The following PCYT2 variants were observed in gnomAD, a reference collection of about 807,000 sequenced individuals.
The protein encoded by PCYT2 is phosphate cytidylyltransferase 2, ethanolamine.
Under a neutral mutation model 50.0 loss-of-function variants are expected in PCYT2, and 33 were observed. That is an observed-to-expected ratio of 0.66 (90% CI 0.50 to 0.88). The LOEUF (loss-of-function observed/expected upper bound fraction) is 0.88, where lower values mean the gene tolerates loss of function less well. PCYT2 is among the 40% of genes least tolerant of loss of function. The pLI is 0.00. For missense variants in PCYT2, 430 were observed against 519.7 expected, an observed-to-expected ratio of 0.83 and a Z score of 1.68; for synonymous variants, 240 against 203.7, an observed-to-expected ratio of 1.18 and a Z score of -1.52.
intron 6 of PCYT2, 195 bp downstream of exon 6, chr17:81,907,359 G>T: frequency 8.1e-7 from 1 of 1,239,252 alleles, no homozygotes. Flanking sequence ...GCCAGCCGGT[G>T]CCACCACCCG....
chr17:81,909,168 C>T (rs2040443628), intron 2 of PCYT2, 131 bp from the exon 3 acceptor site: 1 of 1,479,650 alleles, frequency 6.8e-7, no homozygotes, highest in Non-Finnish European at 8.9e-7. Context: ...CTACCCTGGC[C>T]CTTAGCCCAC....
chr17:81,904,974 G>A, intron 12 of PCYT2, 30 bp from the exon 13 acceptor site: 2 of 1,596,448 alleles, frequency 1.3e-6, no homozygotes. Context: ...CTAGCAGAGA[G>A]CGCCCATGAG....
intron 5 of PCYT2, 56 bp downstream of exon 5, chr17:81,907,717 T>C: frequency 6.3e-7 from 1 of 1,595,330 alleles, no homozygotes; most frequent in Non-Finnish European, 8.6e-7. Flanking sequence ...GAGGTGCCCC[T>C]CCTTTCCCCT....
At chr17:81,910,160 A>G (rs551826116) in intron 1 of PCYT2, among the ~76,000 whole-genome samples, 106 of 152,322 alleles carry the variant, frequency 7.0e-4, no homozygotes, top group African/African-American at 2.4e-3. Context: ...GTGAACAGCC[A>G]CTGCCTTGCC....
chr17:81,908,552 C>G lies in PCYT2; in HGVS notation c.407+16G>C, dbSNP rs144473166. 73 of 1,605,568 alleles carry G rather than the reference C, an allele frequency of 4.5e-5. No individual in the cohort carries two copies. In the African/African-American group the frequency reaches 8.5e-4, roughly 19 times the overall value. ...GTCCAGCTCCCTGGATGGCCAGGCC[C>G]GCGGTGGAGACTCACCTGTACCTCC... On this transcript the variant is annotated intron_variant, in intron 4 of 12. Transcript: ENST00000538936.
chr17:81,905,304 G>A, intron 11 of PCYT2, 78 bp downstream of exon 11: 2 of 1,399,444 alleles, frequency 1.4e-6, no homozygotes, highest in Non-Finnish European at 9.9e-7. Flanking sequence ...CGTTTCCCAG[G>A]CAGGCACAGT....
rs889826491 is a variant in PCYT2, at chr17:81,902,402, G to A, written c.*2431C>T. 3 of 1,345,742 alleles carry A rather than the reference G, an allele frequency of 2.2e-6. No individual in the cohort carries two copies. The highest frequency in any genetic ancestry group is 1.9e-5 in the South Asian group (1 of 53,110). 83.4% of individuals were successfully genotyped at this position (1,345,742 alleles called of 1,614,324 possible). A position where few individuals can be genotyped will look rare whatever the true frequency, so the allele number is the denominator to read the frequency against. ...TCCTACTCGGTGGGCCGCGCCGCGG[G>A]GCTGCTGTCCGGCCTCCGCAGGTCC... On this transcript the variant is annotated 3_prime_UTR_variant, in exon 13 of 13. Coordinates refer to ENST00000538936, the MANE Select transcript of PCYT2 (RefSeq NM_002861.5).
chr17:81,908,537 C>G (rs770275895), intron 4 of PCYT2, 31 bp downstream of exon 4: 1 of 1,582,622 alleles, frequency 6.3e-7, no homozygotes, highest in Admixed American at 1.7e-5. Flanking sequence ...GTCCAGCTCC[C>G]TGGATGGCCA....
At chr17:81,910,707 A>G (rs1177529108) in intron 1 of PCYT2, among the ~76,000 whole-genome samples, 2 of 152,254 alleles carry the variant, frequency 1.3e-5, no homozygotes, top group African/African-American at 2.4e-5. Flanking sequence ...CAGGCACGTG[A>G]AAGGGTCAGA....
rs1195391579 is a variant in PCYT2, at chr17:81,902,491, C to G, written c.*2342G>C. The G allele has an allele frequency of 1.4e-6, 2 of 1,411,362 alleles. No homozygotes were observed. Among genetic ancestry groups the G allele is most frequent in the Non-Finnish European group, 1.8e-6 (2 of 1,090,940 alleles). 87.4% of individuals were successfully genotyped at this position (1,411,362 alleles called of 1,614,324 possible). A position where few individuals can be genotyped will look rare whatever the true frequency, so the allele number is the denominator to read the frequency against. On this transcript the variant is annotated 3_prime_UTR_variant, in exon 13 of 13. Transcript: ENST00000538936. ...ACCCCCGGGCGGGGCCGGCGCCTCC[C>G]CGGAGCTGCAACTGCACCCCAGGCT... is the stretch of plus-strand genomic sequence containing the variant.
intron 7 of PCYT2, 36 bp from the exon 8 acceptor site, chr17:81,906,582 G>T (rs2040282873): frequency 3.1e-6 from 5 of 1,601,276 alleles, no homozygotes; most frequent in East Asian, 4.5e-5. Flanking sequence ...GGATGGGGAT[G>T]ACAGGGAGCA....
rs746629027 is a variant in PCYT2 at position 81,905,423 on chromosome 17, T to A, written c.928A>T (p.Thr310Ser). ...CCATCCCTGTCAGGGATAATTTCTG[T>A]CTTGCCGTGACACACCAGGTCCACC... is the stretch of plus-strand genomic sequence containing the variant. Reference protein sequence around the residue: ...FKVDLVCHGKTEIIPDRDGSD... With the variant: ...FKVDLVCHGKSEIIPDRDGSD... The change falls in exon 11 of 13, where the codon ACA (threonine) becomes TCA (serine). Residue 310 changes from threonine to serine, a missense_variant. By Grantham distance (58) the Thr-to-Ser change is moderately conservative (BLOSUM62 1). Transcript: ENST00000538936. 1 of 1,567,268 alleles carries A rather than the reference T, an allele frequency of 6.4e-7. No homozygotes were observed. Among genetic ancestry groups the A allele is most frequent in the South Asian group, 1.2e-5 (1 of 85,666 alleles).
chr17:81,902,354 A>G lies in PCYT2; in HGVS notation c.*2479T>C. On this transcript the variant is annotated 3_prime_UTR_variant, in exon 13 of 13. Transcript: ENST00000538936. Reference sequence around the variant, plus strand: ...CTGGCGCCGCCTGGCCTCGCGTGGTACAAGCCAGCGGCGGGGCACAGCTCC... The same window carrying G: ...CTGGCGCCGCCTGGCCTCGCGTGGTGCAAGCCAGCGGCGGGGCACAGCTCC... 1 of 1,348,690 alleles carries G rather than the reference A, an allele frequency of 7.4e-7. No homozygotes were observed. The highest frequency in any genetic ancestry group is 1.9e-5 in the South Asian group (1 of 51,362). The allele number at this position is 1,348,690 out of a possible 1,614,324, so 83.5% of individuals were successfully genotyped here. A position where few individuals can be genotyped will look rare whatever the true frequency, so the allele number is the denominator to read the frequency against.
At chr17:81,910,256 C>T (rs537713587) in intron 1 of PCYT2, among the ~76,000 whole-genome samples, 2 of 152,366 alleles carry the variant, frequency 1.3e-5, no homozygotes, top group South Asian at 2.1e-4. Context: ...CTGCCACCAA[C>T]TGGGCCTCGC....
Position 81,905,759 on chromosome 17 carries a change from A to G in PCYT2, c.838-24T>C, listed in dbSNP as rs766520141. The G allele has an allele frequency of 6.8e-6, 11 of 1,611,840 alleles. No homozygotes were observed. The African/African-American group carries it at 1.1e-4, about 16-fold the overall frequency. On this transcript the variant is annotated intron_variant, in intron 9 of 12. Coordinates refer to ENST00000538936, the MANE Select transcript of PCYT2 (RefSeq NM_002861.5). Reference sequence around the variant, plus strand: ...TACTGTGGGGACAGTGGGGGCAGAAAGACTTGCTCGGTCCCTGCTACTGGT... The same window carrying G: ...TACTGTGGGGACAGTGGGGGCAGAAGGACTTGCTCGGTCCCTGCTACTGGT...
Position 81,902,749 on chromosome 17 carries a change from G to A in PCYT2, c.*2084C>T, listed in dbSNP as rs760828333. On this transcript the variant is annotated 3_prime_UTR_variant, in exon 13 of 13. Transcript: ENST00000538936. ...CGCAGCCGACTGCCTCGCCGCCTGA[G>A]CCCGGACCTCTCCTGGCACCGCTGG... is the stretch of plus-strand genomic sequence containing the variant. The A allele has an allele frequency of 2.5e-6, 4 of 1,604,836 alleles. No individual in the cohort carries two copies. The South Asian group carries it at 4.4e-5, about 18-fold the overall frequency.
At chr17:81,911,054 G>T in intron 1 of PCYT2, 1 of 999,078 alleles carries the variant, frequency 1.0e-6, no homozygotes, top group Non-Finnish European at 1.2e-6. Flanking sequence ...CGGGGCCTCC[G>T]CCAGAGGTAG....
rs777615237 is a variant in PCYT2 at position 81,901,284 on chromosome 17, G to C, written c.*3549C>G. ...CGTTCCTCTGCCTGCTTGTATCCTGGCTGTGCTGGCAGCCGATTAGGTGGT... is the reference window on the plus strand; with the variant it reads ...CGTTCCTCTGCCTGCTTGTATCCTGCCTGTGCTGGCAGCCGATTAGGTGGT... On this transcript the variant is annotated 3_prime_UTR_variant, in exon 13 of 13. Transcript: ENST00000538936. The C allele has an allele frequency of 6.6e-6, 1 of 152,246 alleles. No individual in the cohort carries two copies. The highest frequency in any genetic ancestry group is 1.5e-5 in the Non-Finnish European group (1 of 68,062). The allele number at this position is 152,246 out of a possible 1,614,324, so 9.4% of individuals were successfully genotyped here. A position where few individuals can be genotyped will look rare whatever the true frequency, so the allele number is the denominator to read the frequency against.
Position 81,908,694 on chromosome 17 carries a change from C to G in PCYT2, c.341-60G>C. The stretch of plus-strand genomic sequence containing the variant: ...CCCAAAGCCACCAGAACCTTCAGAG[C>G]CCAGGACCCTCTCGGCCCCTGGCCT... On this transcript the variant is annotated intron_variant, in intron 3 of 12. Transcript: ENST00000538936. The G allele has an allele frequency of 6.8e-6, 10 of 1,479,840 alleles. No individual in the cohort carries two copies. In the South Asian group the frequency reaches 9.1e-5, roughly 13 times the overall value. The allele number at this position is 1,479,840 out of a possible 1,614,324, so 91.7% of individuals were successfully genotyped here. A position where few individuals can be genotyped will look rare whatever the true frequency, so the allele number is the denominator to read the frequency against.
Sources: gnomAD v4.1 joint callset for allele counts (sites outside exome capture counted in the v4.1 genomes callset) on GRCh38, gnomAD v4.1.1 for gene constraint, MANE v1.5 for transcripts, NCBI Gene and HGNC (gene_info 2026-07-23, HGNC 2026-07-21) for gene names.